The following STEAP1B variants were observed in gnomAD, a reference collection of about 807,000 sequenced individuals.
The protein encoded by STEAP1B is STEAP family protein MGC87042.
A neutral mutation model predicts 27.9 loss-of-function variants in STEAP1B; 13 were observed. That is an observed-to-expected ratio of 0.47 (90% CI 0.30 to 0.74). The LOEUF is 0.74. STEAP1B is among the 30% of genes least tolerant of loss of function. The pLI, the probability that STEAP1B is intolerant of heterozygous loss-of-function variation, is 0.06. For missense variants in STEAP1B, 250 were observed against 298.7 expected (o/e 0.84, Z 1.20); for synonymous variants, 86 against 107.1 (o/e 0.80, Z 1.22).
At chr7:22,432,777 A>C (rs1355635987) in intron 4 of STEAP1B, among the ~76,000 whole-genome samples, 1 of 152,204 alleles carries the variant, frequency 6.6e-6, no homozygotes, top group Non-Finnish European at 1.5e-5. Context: ...ACTACCCAGA[A>C]GAAAGGAGAA....
At chr7:22,427,409 T>G (rs2528837) in intron 4 of STEAP1B, among the ~76,000 whole-genome samples, 119,852 of 152,020 alleles carry the variant, frequency 0.79, 47,323 homozygotes, top group Admixed American at 0.84. Context: ...GAGAAGGAGA[T>G]GATCAAAGGT....
intron 4 of STEAP1B, among the ~76,000 whole-genome samples, chr7:22,462,700 A>G (rs1415511485): frequency 1.3e-5 from 2 of 150,828 alleles, no homozygotes; most frequent in African/African-American, 4.9e-5. Context: ...ATACGTGTGC[A>G]TGTGTCTTTA....
chr7:22,451,391 T>C (rs1035449101), intron 4 of STEAP1B, among the ~76,000 whole-genome samples: 3 of 152,162 alleles, frequency 2.0e-5, no homozygotes, highest in Non-Finnish European at 4.4e-5. Context: ...CCAATTTGGA[T>C]GCCCTTTCTT....
intron 4 of STEAP1B, among the ~76,000 whole-genome samples, chr7:22,476,940 GT>G (rs1785983396): frequency 6.6e-6 from 1 of 152,158 alleles, no homozygotes; most frequent in African/African-American, 2.4e-5. Context: ...TTTGCTGGCT[GT>G]TGTCCACTCT....
intron 4 of STEAP1B, among the ~76,000 whole-genome samples, chr7:22,454,380 T>C (rs1248629423): frequency 2.0e-5 from 3 of 152,188 alleles, no homozygotes; most frequent in South Asian, 4.1e-4. Flanking sequence ...TATAGTGCTG[T>C]ACTGGTGGAA....
Position 22,438,704 on chromosome 7 carries a change from G to A in STEAP1B, c.763-18868C>T. ...GTGCCTACCAGTTGTGTCTTGGCCAGTTTAGTGGCCTGAAAGTTGCACAAA... is the reference window on the plus strand; with the variant it reads ...GTGCCTACCAGTTGTGTCTTGGCCAATTTAGTGGCCTGAAAGTTGCACAAA... On this transcript the variant is annotated intron_variant, in intron 4 of 4. Coordinates refer to ENST00000678116, the MANE Select transcript of STEAP1B (RefSeq NM_001382447.1). 1.9e-6 allele frequency: 3 copies of A among 1,551,746 alleles called. No individual in the cohort carries two copies. In the South Asian group the frequency reaches 3.6e-5, roughly 18 times the overall value.
intron 1 of STEAP1B, among the ~76,000 whole-genome samples, chr7:22,497,363 C>A (rs1441627426): frequency 1.3e-5 from 2 of 152,144 alleles, no homozygotes; most frequent in Non-Finnish European, 2.9e-5. Context: ...GGAAGCAGAA[C>A]AAGAGCAGAG....
intron 4 of STEAP1B, among the ~76,000 whole-genome samples, chr7:22,472,848 G>A (rs979007638): frequency 5.3e-5 from 8 of 152,168 alleles, no homozygotes; most frequent in Admixed American, 2.0e-4. Flanking sequence ...CTATGGAGGC[G>A]GGAGATTTAC....
rs537493756 is a variant in STEAP1B at position 22,425,841 on chromosome 7, T to C, written c.763-6005A>G. On this transcript the variant is annotated intron_variant, in intron 4 of 4. Transcript: ENST00000678116. ...AGAAAAATAGCAAAGGGGCAGATTC[T>C]GACAAACGCTATCCTGCTGAAATCA... is the stretch of plus-strand genomic sequence containing the variant. Among the ~76,000 whole-genome samples, 21 of 152,358 alleles carry C rather than the reference T, an allele frequency of 1.4e-4. No individual in the cohort carries two copies. The South Asian group carries it at 4.1e-3, about 30-fold the overall frequency.
chr7:22,483,869 T>C (rs771545722), intron 4 of STEAP1B, among the ~76,000 whole-genome samples: 3 of 152,222 alleles, frequency 2.0e-5, no homozygotes, highest in Non-Finnish European at 4.4e-5. Context: ...GTGTGATTCA[T>C]GGTGTCCCCA....
At position 22,474,458 on chromosome 7, in the gene STEAP1B, TC is replaced by T. The variant is rs1785938047; in HGVS notation, c.762+18106del. On this transcript the variant is annotated intron_variant, in intron 4 of 4. Transcript: ENST00000678116. ...AATCTAAAGCCCCCAAGTTGTACAG[TC>T]CTGTGTAATTTCTATGGGAAACCGG... 2.0e-5 allele frequency among the ~76,000 whole-genome samples: 3 copies of T among 152,326 alleles called. No homozygotes were observed. In the South Asian group the frequency reaches 6.2e-4, roughly 32 times the overall value.
At chr7:22,489,104 G>A (rs1453863664) in intron 4 of STEAP1B, among the ~76,000 whole-genome samples, 1 of 151,868 alleles carries the variant, frequency 6.6e-6, no homozygotes, top group African/African-American at 2.4e-5. Context: ...CCAGAAACCC[G>A]AGTTCTCGCC....
chr7:22,445,237 T>C (rs1332151719), intron 4 of STEAP1B, among the ~76,000 whole-genome samples: 1 of 152,266 alleles, frequency 6.6e-6, no homozygotes, highest in Non-Finnish European at 1.5e-5. Context: ...TGGTGGGTTC[T>C]CTTGGGCCAA....
intron 4 of STEAP1B, among the ~76,000 whole-genome samples, chr7:22,471,445 T>C (rs1250983946): frequency 1.3e-5 from 2 of 152,206 alleles, no homozygotes; most frequent in African/African-American, 4.8e-5. Flanking sequence ...TGCCAGCTTA[T>C]GACATTTCAT....
intron 4 of STEAP1B, among the ~76,000 whole-genome samples, chr7:22,451,523 T>C (rs190980466): frequency 4.6e-5 from 7 of 152,354 alleles, no homozygotes; most frequent in Admixed American, 3.9e-4. Flanking sequence ...TAATATAATA[T>C]AGCTGTTGGT....
At chr7:22,429,338 T>C (rs144695554) in intron 4 of STEAP1B, among the ~76,000 whole-genome samples, 87 of 152,342 alleles carry the variant, frequency 5.7e-4, no homozygotes, top group African/African-American at 1.9e-3. Flanking sequence ...CACATTTCAC[T>C]GAAAAATGAA....
chr7:22,441,753 T>C (rs980439366), intron 4 of STEAP1B, among the ~76,000 whole-genome samples: 20 of 152,312 alleles, frequency 1.3e-4, no homozygotes, highest in African/African-American at 4.8e-4. Context: ...TAACCAAATG[T>C]TTTTTAGTAA....
chr7:22,422,195 C>A (rs1785052285), intron 4 of STEAP1B, among the ~76,000 whole-genome samples: 1 of 152,166 alleles, frequency 6.6e-6, no homozygotes. Flanking sequence ...TGCATGTGTG[C>A]ACATGTATGT....
At position 22,419,583 on chromosome 7, in the gene STEAP1B, A is replaced by G; in HGVS notation, c.*221T>C. ...ACAACCAACACAATCTCAGTGGATT[A>G]GCACAACACATATGGACTTTTTGTT... On this transcript the variant is annotated 3_prime_UTR_variant, in exon 5 of 5. Coordinates refer to ENST00000678116, the MANE Select transcript of STEAP1B (RefSeq NM_001382447.1). 1.0e-5 allele frequency: 4 copies of G among 394,598 alleles called. No individual in the cohort carries two copies. The highest frequency in any genetic ancestry group is 2.0e-5 in the African/African-American group (1 of 48,782). The allele number at this position is 394,598 out of a possible 1,614,324, so 24.4% of individuals were successfully genotyped here.
Sources: allele counts gnomAD v4.1 joint callset (sites outside exome capture counted in the v4.1 genomes callset), GRCh38; gene constraint gnomAD v4.1.1; transcripts MANE v1.5; gene names NCBI Gene and HGNC (gene_info 2026-07-23, HGNC 2026-07-21).